The following FNDC3A variants were observed in gnomAD, a reference collection of about 807,000 sequenced individuals.
FNDC3A encodes the protein fibronectin type III domain containing 3A, also known as fibronectin type-III domain-containing protein 3A.
In FNDC3A, 32 loss-of-function variants were observed where a neutral mutation model predicts 148.9. The observed-to-expected ratio is 0.21, with a 90% CI of 0.16 to 0.29. The LOEUF is 0.29. FNDC3A is among the 10% of genes least tolerant of loss of function. FNDC3A has a pLI of 1.00. For missense variants in FNDC3A, 1,191 were observed against 1,452.8 expected, an observed-to-expected ratio of 0.82 and a Z score of 2.93; for synonymous variants, 472 against 473.6, an observed-to-expected ratio of 1.00 and a Z score of 0.04.
intron 10 of FNDC3A, among the ~76,000 whole-genome samples, chr13:49,170,672 T>C (rs1034492222): frequency 3.3e-5 from 5 of 152,164 alleles, no homozygotes; most frequent in Non-Finnish European, 5.9e-5. Context: ...TCTGGGATGA[T>C]TTATTTGGTT....
intron 23 of FNDC3A, among the ~76,000 whole-genome samples, chr13:49,199,402 A>G (rs531698833): frequency 2.8e-5 from 4 of 145,420 alleles, no homozygotes; most frequent in South Asian, 4.3e-4. Context: ...ATCTCGGCTC[A>G]CTGCAATCTC....
chr13:49,008,463 T>TGTC (rs3060345), intron 2 of FNDC3A, among the ~76,000 whole-genome samples: 151,115 of 152,256 alleles, frequency 0.99, 75,006 homozygotes, highest in Middle Eastern at 1. Context: ...CAGATGGAAG[T>TGTC]GTGCACAAGC....
intron 4 of FNDC3A, among the ~76,000 whole-genome samples, chr13:49,129,054 G>T (rs186099820): frequency 3.5e-4 from 53 of 152,314 alleles, no homozygotes; most frequent in African/African-American, 1.3e-3. Context: ...TGTTGTGTTT[G>T]TCTGCCCCTG....
chr13:49,104,532 CAAAAA>C (rs1880047242), intron 3 of FNDC3A, among the ~76,000 whole-genome samples: 1 of 151,016 alleles, frequency 6.6e-6, no homozygotes, highest in African/African-American at 2.4e-5. Flanking sequence ...GACTACGTCT[CAAAAA>C]GAAAAGAAAA....
At chr13:49,167,400 AT>A in intron 9 of FNDC3A, 97 bp downstream of exon 9, 2 of 708,502 alleles carry the variant, frequency 2.8e-6, no homozygotes, top group Non-Finnish European at 4.5e-6. Context: ...TAATTTAAAC[AT>A]TAATTTTGGA....
chr13:49,135,128 T>C (rs2137936408), intron 5 of FNDC3A, among the ~76,000 whole-genome samples: 1 of 152,240 alleles, frequency 6.6e-6, no homozygotes, highest in African/African-American at 2.4e-5. Context: ...GTGCTGGGAT[T>C]ACAGGCGTGA....
At chr13:49,045,030 CCTTT>C in intron 2 of FNDC3A, 1 of 279,766 alleles carries the variant, frequency 3.6e-6, no homozygotes, top group Non-Finnish European at 6.9e-6. Context: ...TTCTCCTTTC[CCTTT>C]CCTTTCCCTT....
intron 2 of FNDC3A, among the ~76,000 whole-genome samples, chr13:49,018,687 A>G (rs972909628): frequency 3.9e-5 from 6 of 152,220 alleles, no homozygotes; most frequent in African/African-American, 1.4e-4. Context: ...TCTGCTTTTT[A>G]GAGTTTCCAG....
At chr13:49,110,696 G>T (rs1430580563) in intron 3 of FNDC3A, among the ~76,000 whole-genome samples, 1 of 152,088 alleles carries the variant, frequency 6.6e-6, no homozygotes, top group Non-Finnish European at 1.5e-5. Flanking sequence ...GTGAACGCTG[G>T]CTTATAGAGA....
intron 4 of FNDC3A, among the ~76,000 whole-genome samples, chr13:49,130,509 C>T (rs78990427): frequency 0.011 from 1,618 of 152,070 alleles, 10 homozygotes; most frequent in Non-Finnish European, 0.018. Flanking sequence ...ATTCCTGAAC[C>T]TCTTGTGTCT....
At chr13:49,037,571 T>TA (rs1238236019) in intron 2 of FNDC3A, among the ~76,000 whole-genome samples, 1 of 152,172 alleles carries the variant, frequency 6.6e-6, no homozygotes, top group Non-Finnish European at 1.5e-5. Flanking sequence ...GTCCACCCCC[T>TA]ACCCCCTGCC....
intron 1 of FNDC3A, among the ~76,000 whole-genome samples, chr13:48,981,355 A>G (rs1951691357): frequency 6.6e-6 from 1 of 152,084 alleles, no homozygotes; most frequent in East Asian, 1.9e-4. Context: ...ATAGAGAATA[A>G]TATCTATCCT....
chr13:49,135,764 G>T (rs1307339259), intron 5 of FNDC3A, among the ~76,000 whole-genome samples: 3 of 152,030 alleles, frequency 2.0e-5, no homozygotes, highest in African/African-American at 7.2e-5. Flanking sequence ...AGAATGAGTG[G>T]ATTCTTCTAA....
intron 8 of FNDC3A, among the ~76,000 whole-genome samples, chr13:49,149,623 C>T (rs879408246): frequency 2.0e-5 from 3 of 152,128 alleles, no homozygotes; most frequent in East Asian, 3.9e-4. Context: ...ATTTCGTGTC[C>T]GTGTTTATCA....
At chr13:49,127,804 A>G (rs773163605) in intron 4 of FNDC3A, among the ~76,000 whole-genome samples, 28 of 152,170 alleles carry the variant, frequency 1.8e-4, no homozygotes, top group African/African-American at 6.8e-4. Flanking sequence ...CATCACATTG[A>G]TGGAAGACTA....
intron 1 of FNDC3A, among the ~76,000 whole-genome samples, chr13:48,997,788 G>A (rs1413981864): frequency 2.6e-5 from 4 of 152,030 alleles, no homozygotes; most frequent in Non-Finnish European, 5.9e-5. Flanking sequence ...TCAGTAAGAC[G>A]GTAATTGGTG....
intron 1 of FNDC3A, among the ~76,000 whole-genome samples, chr13:49,004,234 A>G (rs1447237096): frequency 4.6e-5 from 7 of 152,144 alleles, no homozygotes; most frequent in Admixed American, 4.6e-4. Context: ...AGAAGCTGAC[A>G]GTATTCTCTA....
At chr13:49,018,012 C>T (rs1213821457) in intron 2 of FNDC3A, among the ~76,000 whole-genome samples, 1 of 152,048 alleles carries the variant, frequency 6.6e-6, no homozygotes, top group Non-Finnish European at 1.5e-5. Flanking sequence ...TAACCCGACC[C>T]TTCTCTCTGG....
At chr13:49,176,577 C>G (rs745307282) in intron 13 of FNDC3A, among the ~76,000 whole-genome samples, 2 of 152,038 alleles carry the variant, frequency 1.3e-5, no homozygotes, top group Non-Finnish European at 2.9e-5. Context: ...CACATGTATA[C>G]CTATGTAACA....
Sources: gnomAD v4.1 joint callset for allele counts (sites outside exome capture counted in the v4.1 genomes callset) on GRCh38, gnomAD v4.1.1 for gene constraint, MANE v1.5 for transcripts, NCBI Gene and HGNC (gene_info 2026-07-23, HGNC 2026-07-21) for gene names.